Variants in RAPGEF4 observed in about 807,000 individuals in gnomAD.
RAPGEF4 encodes the protein Rap guanine nucleotide exchange factor 4.
In RAPGEF4, 66 loss-of-function variants were observed where a neutral mutation model predicts 147.9. The observed-to-expected ratio is 0.45, with a 90% CI of 0.37 to 0.55. The LOEUF is 0.55. Ranked by LOEUF, RAPGEF4 falls within the 20% of genes least tolerant of loss-of-function variation. RAPGEF4 has a pLI of 0.00. For synonymous variants in RAPGEF4, 419 were observed against 442.7 expected (o/e 0.95, Z 0.67); for missense variants, 1,071 against 1,257.3 (o/e 0.85, Z 2.24).
At chr2:172,986,669 A>C (rs1174830456) in intron 12 of RAPGEF4, among the ~76,000 whole-genome samples, 3 of 151,944 alleles carry the variant, frequency 2.0e-5, no homozygotes, top group African/African-American at 7.2e-5. Flanking sequence ...TCTTTGTCAG[A>C]TAATAACATG....
At chr2:172,741,070 A>G (rs1694252089) in intron 1 of RAPGEF4, among the ~76,000 whole-genome samples, 1 of 152,200 alleles carries the variant, frequency 6.6e-6, no homozygotes, top group Non-Finnish European at 1.5e-5. Context: ...GTACAGGAGT[A>G]CATCCTCTTC....
chr2:172,844,001 C>T (rs1288955180), intron 4 of RAPGEF4, among the ~76,000 whole-genome samples: 1 of 152,196 alleles, frequency 6.6e-6, no homozygotes, highest in Non-Finnish European at 1.5e-5. Context: ...ATTGCAAATC[C>T]TTTGAAGGCA....
At chr2:172,771,583 G>GT (rs1418288104) in intron 1 of RAPGEF4, among the ~76,000 whole-genome samples, 1 of 150,568 alleles carries the variant, frequency 6.6e-6, no homozygotes, top group Non-Finnish European at 1.5e-5. Flanking sequence ...ACAAACTCTC[G>GT]TAAGTGTTAT....
upstream of RAPGEF4, among the ~76,000 whole-genome samples, chr2:172,735,654 G>A (rs1454311945): frequency 6.6e-6 from 1 of 151,866 alleles, no homozygotes; most frequent in Admixed American, 6.5e-5. Flanking sequence ...CGGCCACCGG[G>A]GTCGCCACCC....
chr2:173,006,227 T>C (rs1410903317), intron 17 of RAPGEF4, among the ~76,000 whole-genome samples: 1 of 152,044 alleles, frequency 6.6e-6, no homozygotes, highest in Non-Finnish European at 1.5e-5. Context: ...AAAACAGGGG[T>C]CTGTGATAAC....
At chr2:172,975,053 C>T (rs572828955) in intron 10 of RAPGEF4, among the ~76,000 whole-genome samples, 17 of 152,294 alleles carry the variant, frequency 1.1e-4, no homozygotes, top group African/African-American at 4.1e-4. Context: ...AGGTTAAATA[C>T]AGGATGCCCG....
intron 3 of RAPGEF4, among the ~76,000 whole-genome samples, chr2:172,804,613 T>C (rs1687299062): frequency 6.6e-6 from 1 of 152,176 alleles, no homozygotes; most frequent in African/African-American, 2.4e-5. Flanking sequence ...TCTGCTCTCC[T>C]GTGCTTTAGG....
At chr2:172,829,782 T>A (rs747825718) in intron 4 of RAPGEF4, among the ~76,000 whole-genome samples, 2 of 148,112 alleles carry the variant, frequency 1.4e-5, no homozygotes, top group Non-Finnish European at 3.0e-5. Flanking sequence ...AATAACTCAT[T>A]TATATATATA....
At chr2:172,803,420 A>T (rs2081405) in intron 3 of RAPGEF4, among the ~76,000 whole-genome samples, 148,133 of 152,308 alleles carry the variant, frequency 0.97, 72,171 homozygotes, top group East Asian at 1. Context: ...GAGCTGTACC[A>T]TGGCCCCTTT....
intron 17 of RAPGEF4, among the ~76,000 whole-genome samples, chr2:173,012,131 A>G (rs1034252272): frequency 2.0e-5 from 3 of 152,220 alleles, no homozygotes; most frequent in Non-Finnish European, 4.4e-5. Context: ...CATTTTTCAC[A>G]GTACAAGGCC....
chr2:172,976,240 C>T (rs367925810), intron 10 of RAPGEF4, among the ~76,000 whole-genome samples: 7 of 152,156 alleles, frequency 4.6e-5, no homozygotes, highest in African/African-American at 1.7e-4. Context: ...GCTGAGCAGT[C>T]GGAGCTGGGT....
intron 4 of RAPGEF4, among the ~76,000 whole-genome samples, chr2:172,823,405 TG>T (rs1377374735): frequency 1.3e-5 from 2 of 152,236 alleles, no homozygotes; most frequent in Non-Finnish European, 2.9e-5. Flanking sequence ...GTTTGTTTTT[TG>T]TTGTTCAGCC....
chr2:172,768,505 TAAAAA>T (rs60090129), intron 1 of RAPGEF4, among the ~76,000 whole-genome samples: 1 of 98,462 alleles, frequency 1.0e-5, no homozygotes, highest in African/African-American at 3.6e-5. Flanking sequence ...CAACCAAAAG[TAAAAA>T]AAAAAAAAAA....
intron 4 of RAPGEF4, among the ~76,000 whole-genome samples, chr2:172,881,458 A>C (rs1244196855): frequency 1.3e-5 from 2 of 152,238 alleles, no homozygotes; most frequent in African/African-American, 4.8e-5. Context: ...TAGCATATGC[A>C]AAAAAGTTTT....
At chr2:173,049,121 G>C (rs1258295699) in intron 30 of RAPGEF4, among the ~76,000 whole-genome samples, 1 of 152,134 alleles carries the variant, frequency 6.6e-6, no homozygotes, top group African/African-American at 2.4e-5. Context: ...TAGCACATTC[G>C]TAAAAGGTCC....
At chr2:173,029,423 G>T (rs2105967897) in intron 25 of RAPGEF4, among the ~76,000 whole-genome samples, 1 of 152,276 alleles carries the variant, frequency 6.6e-6, no homozygotes, top group East Asian at 1.9e-4. Context: ...TCTAAAAAAT[G>T]GTTAAACCAA....
chr2:172,963,521 A>G (rs1177282289), intron 8 of RAPGEF4, among the ~76,000 whole-genome samples: 2 of 152,244 alleles, frequency 1.3e-5, no homozygotes, highest in Non-Finnish European at 2.9e-5. Flanking sequence ...ATGTTTGATG[A>G]TAGATAATGG....
chr2:173,014,777 T>A (rs1165908608), intron 18 of RAPGEF4, among the ~76,000 whole-genome samples, 163 bp downstream of exon 18: 1 of 152,160 alleles, frequency 6.6e-6, no homozygotes, highest in Non-Finnish European at 1.5e-5. Context: ...AAGGAAAAAA[T>A]TTACCCATTA....
At chr2:172,991,955 A>G (rs1458023867) in intron 15 of RAPGEF4, among the ~76,000 whole-genome samples, 1 of 152,210 alleles carries the variant, frequency 6.6e-6, no homozygotes, top group Non-Finnish European at 1.5e-5. Flanking sequence ...TCATATTACA[A>G]CACCTTTTAA....
Sources: gnomAD v4.1 joint callset for allele counts (sites outside exome capture counted in the v4.1 genomes callset) on GRCh38, gnomAD v4.1.1 for gene constraint, MANE v1.5 for transcripts, NCBI Gene and HGNC (gene_info 2026-07-23, HGNC 2026-07-21) for gene names.